Variants in CEP95 observed in about 807,000 individuals in gnomAD.
CEP95 encodes centrosomal protein 95.
Under a neutral mutation model 111.2 loss-of-function variants are expected in CEP95, and 98 were observed. That is an observed-to-expected ratio of 0.88 (90% confidence interval 0.75 to 1.04). The LOEUF is 1.04. CEP95 is among the 50% of genes least tolerant of loss of function. CEP95 has a pLI of 0.00. For missense variants in CEP95, 1,027 were observed against 977.2 expected, an observed-to-expected ratio of 1.05 and a Z score of -0.68; for synonymous variants, 323 against 327.1, an observed-to-expected ratio of 0.99 and a Z score of 0.14.
intron 17 of CEP95, 130 bp from the exon 18 acceptor site, chr17:64,536,472 G>T: frequency 3.4e-6 from 2 of 596,892 alleles, no homozygotes. Context: ...ACATTTTATG[G>T]TATGTCAAAA....
chr17:64,519,875 C>T (rs1967180432), intron 6 of CEP95, among the ~76,000 whole-genome samples: 1 of 152,154 alleles, frequency 6.6e-6, no homozygotes, highest in African/African-American at 2.4e-5. Context: ...CATAGTAGAC[C>T]CGGATATCTT....
chr17:64,517,719 A>T (rs745494111), intron 5 of CEP95, among the ~76,000 whole-genome samples: 44 of 142,906 alleles, frequency 3.1e-4, no homozygotes, highest in Non-Finnish European at 3.3e-4. Flanking sequence ...TTTTTAACAG[A>T]GATGGCATCT....
Position 64,521,407 on chromosome 17 carries a change from C to T in CEP95, c.595C>T (p.Gln199Ter). The part of the protein sequence containing the change: ...HTFSLRSNGA[Q>*]CPNEMLSKKA... ...TTTAATATTTTCTTTCCTAGGTGCT[C>T]AATGTCCTAATGAAATGCTGTCTAA... The change falls in exon 7 of 20, where the codon CAA becomes TAA. Residue 199 changes from glutamine (Q) to a stop codon, truncating the protein, a stop_gained. Coordinates refer to ENST00000556440, the MANE Select transcript of CEP95 (RefSeq NM_138363.3). LOFTEE classifies it high-confidence loss of function. 6.2e-7 allele frequency: 1 copy of T among 1,608,106 alleles called. No individual in the cohort carries two copies. Among genetic ancestry groups the T allele is most frequent in the African/African-American group, 1.3e-5 (1 of 74,822 alleles).
intron 1 of CEP95, chr17:64,507,584 G>T (rs907693642): frequency 1.6e-5 from 16 of 1,023,152 alleles, no homozygotes; most frequent in Non-Finnish European, 1.5e-5. Flanking sequence ...TTTCTCTTCA[G>T]TGCCCTCTAG....
chr17:64,512,749 G>A (rs2038961339), intron 3 of CEP95, among the ~76,000 whole-genome samples: 1 of 152,096 alleles, frequency 6.6e-6, no homozygotes, highest in African/African-American at 2.4e-5. Context: ...TGCAGTTCTA[G>A]GTGAGTGAAT....
intron 14 of CEP95, chr17:64,532,576 A>G: frequency 8.0e-7 from 1 of 1,246,062 alleles, no homozygotes. Flanking sequence ...ATCTACCCAC[A>G]GGCACTGAAG....
At chr17:64,519,748 T>G (rs1967168151) in intron 6 of CEP95, among the ~76,000 whole-genome samples, 2 of 152,230 alleles carry the variant, frequency 1.3e-5, no homozygotes, top group African/African-American at 4.8e-5. Flanking sequence ...TTAATTGTAG[T>G]TTCCTGAACT....
intron 1 of CEP95, chr17:64,507,381 C>A (rs1159893854): frequency 1.4e-6 from 2 of 1,396,044 alleles, no homozygotes; most frequent in Non-Finnish European, 1.9e-6. Context: ...GTAAAAAGAG[C>A]GGTCAGAAGG....
At position 64,537,049 on chromosome 17, in the gene CEP95, G is replaced by C; in HGVS notation, c.2226G>C (p.Leu742Phe). The C allele has an allele frequency of 6.2e-7, 1 of 1,610,964 alleles. No homozygotes were observed. Among genetic ancestry groups the C allele is most frequent in the Non-Finnish European group, 8.5e-7 (1 of 1,178,368 alleles). The change falls in exon 19 of 20, where the codon TTG becomes TTC. Residue 742 changes from leucine (L) to phenylalanine (F), a missense_variant. By Grantham distance (22) the Leu-to-Phe change is conservative. Transcript: ENST00000556440. ...MENYYKDQFS[L>F]LAEAISQEHQ... ...TTTCTTCCTATAAACAGTTTTCATT[G>C]CTGGCAGAAGCCATATCACAGGAAC...
intron 4 of CEP95, chr17:64,514,614 C>T (rs1183120995): frequency 2.4e-6 from 1 of 414,966 alleles, no homozygotes; most frequent in African/African-American, 2.0e-5. Context: ...AGATAAATTT[C>T]TGGCTAAATT....
At chr17:64,527,891 TACACACAC>T (rs374252937) in intron 11 of CEP95, among the ~76,000 whole-genome samples, 1 of 141,514 alleles carries the variant, frequency 7.1e-6, no homozygotes, top group Non-Finnish European at 1.5e-5. Context: ...TATATATATA[TACACACAC>T]ACACACACGC....
At chr17:64,512,836 A>G (rs1555675443) in intron 3 of CEP95, among the ~76,000 whole-genome samples, 2 of 152,170 alleles carry the variant, frequency 1.3e-5, no homozygotes, top group South Asian at 2.1e-4. Context: ...TAATTGCTTT[A>G]TCACCCAAGT....
rs782349844 is a variant in CEP95, at chr17:64,537,678, C to T, written c.2365C>T (p.Gln789Ter). Residue 789 changes from glutamine to a stop codon, truncating the protein, a stop_gained, in exon 20 of 20, where the codon CAG becomes TAG. Coordinates refer to ENST00000556440, the MANE Select transcript of CEP95 (RefSeq NM_138363.3). LOFTEE classifies it high-confidence loss of function. ...EIQQLQDMITQNDDDVFFREL... is the reference protein window; with the variant it reads ...EIQQLQDMIT Reference sequence around the variant, plus strand: ...TCAGCAGCTGCAGGACATGATAACACAGAATGATGATGATGTTTTCTTCCG... The same window carrying T: ...TCAGCAGCTGCAGGACATGATAACATAGAATGATGATGATGTTTTCTTCCG... 2.5e-6 allele frequency: 4 copies of T among 1,613,346 alleles called. No homozygotes were observed. Among genetic ancestry groups the T allele is most frequent in the South Asian group, 1.1e-5 (1 of 90,916 alleles).
intron 18 of CEP95, 61 bp downstream of exon 18, chr17:64,536,809 A>G: frequency 6.5e-7 from 1 of 1,534,794 alleles, no homozygotes; most frequent in Non-Finnish European, 8.8e-7. Context: ...CCCTTGTGGC[A>G]AAACTTGCTT....
intron 17 of CEP95, chr17:64,536,347 G>C: frequency 4.2e-6 from 1 of 238,190 alleles, no homozygotes; most frequent in South Asian, 9.1e-5. Flanking sequence ...TATTTGGGTA[G>C]CCAAGGTGGG....
intron 8 of CEP95, among the ~76,000 whole-genome samples, chr17:64,524,852 T>G (rs1186819309): frequency 6.6e-6 from 1 of 151,484 alleles, no homozygotes; most frequent in Non-Finnish European, 1.5e-5. Context: ...GTGCCTGTAA[T>G]CCCAGCTACT....
chr17:64,515,857 C>G (rs2039111359), intron 4 of CEP95: 2 of 152,148 alleles, frequency 1.3e-5, no homozygotes, highest in Non-Finnish European at 2.9e-5. Context: ...AACCTGGGAC[C>G]TGAGCTAGCA....
chr17:64,534,412 T>G, intron 16 of CEP95, 173 bp from the exon 17 acceptor site: 2 of 578,876 alleles, frequency 3.5e-6, no homozygotes, highest in Non-Finnish European at 6.2e-6. Context: ...GAGCTGCTCT[T>G]CAGATTGAGG....
chr17:64,525,215 A>G (rs1458139846), intron 8 of CEP95, among the ~76,000 whole-genome samples: 4 of 151,762 alleles, frequency 2.6e-5, no homozygotes, highest in African/African-American at 9.7e-5. Context: ...GTTGTGGCAT[A>G]TACCTGTAAT....
Sources: gnomAD v4.1 joint callset for allele counts (sites outside exome capture counted in the v4.1 genomes callset) on GRCh38, gnomAD v4.1.1 for gene constraint, MANE v1.5 for transcripts, NCBI Gene and HGNC (gene_info 2026-07-23, HGNC 2026-07-21) for gene names.